The following P4HA2 variants were observed in gnomAD, a reference collection of about 807,000 sequenced individuals.
The protein encoded by P4HA2 is prolyl 4-hydroxylase subunit alpha-2.
Under a neutral mutation model 76.9 loss-of-function variants are expected in P4HA2, and 46 were observed. The ratio of observed to expected loss-of-function variants is 0.60; its 90% CI spans 0.47 to 0.76. The LOEUF (loss-of-function observed/expected upper bound fraction) is 0.76. P4HA2 is among the 30% of genes least tolerant of loss of function. The pLI, the probability that P4HA2 is intolerant of heterozygous loss-of-function variation, is 0.00. For missense variants in P4HA2, 583 were observed against 669.4 expected (o/e 0.87, Z 1.42); for synonymous variants, 243 against 254.0 (o/e 0.96, Z 0.41).
chr5:132,194,333 T>C lies in P4HA2; in HGVS notation c.1531+593A>G, dbSNP rs148141386. On this transcript the variant is annotated intron_variant, in intron 14 of 14. Transcript: ENST00000360568. ...ACCTATCACTATTTATCTTCAAAAC[T>C]CTCCAAGGGGGCTACACACTCATCT... Among the ~76,000 whole-genome samples, 662 of 152,266 alleles carry C rather than the reference T, an allele frequency of 4.3e-3. 7 individuals are homozygous for C. Among genetic ancestry groups the C allele is most frequent in the Non-Finnish European group, 6.5e-3 (444 of 68,026 alleles).
chr5:132,225,365 C>T (rs766797779), intron 1 of P4HA2, among the ~76,000 whole-genome samples: 2 of 152,196 alleles, frequency 1.3e-5, no homozygotes, highest in Non-Finnish European at 2.9e-5. Context: ...TATCAGCCAG[C>T]GTGGCCACAC....
At chr5:132,199,234 A>G (rs1407426468) in intron 10 of P4HA2, among the ~76,000 whole-genome samples, 1 of 152,256 alleles carries the variant, frequency 6.6e-6, no homozygotes, top group East Asian at 1.9e-4. Flanking sequence ...CTCAGACAGC[A>G]GCAAAGGGAA....
chr5:132,203,679 C>A (rs781209393), intron 10 of P4HA2, 69 bp downstream of exon 10: 2 of 959,364 alleles, frequency 2.1e-6, no homozygotes, highest in Non-Finnish European at 3.4e-6. Context: ...CAGTTCTGGA[C>A]ACCCTGTGAG....
Position 132,209,258 on chromosome 5 carries a change from CG to C in P4HA2, c.782del (p.Thr261SerfsTer2). On this transcript the variant is annotated frameshift_variant, in exon 7 of 15. Coordinates refer to ENST00000360568, the MANE Select transcript of P4HA2 (RefSeq NM_001017974.2). LOFTEE classifies it high-confidence loss of function. ...GCTCAGCTTCTGTCTGATTTGTTAACGTTTTTTCTCTCTCTTCCTCCAATAA... is the reference window on the plus strand; with the variant it reads ...GCTCAGCTTCTGTCTGATTTGTTAACTTTTTTCTCTCTCTTCCTCCAATAA... ...EQLLEEEREK[T>X]LTNQTEAELA... The C allele has an allele frequency of 6.2e-7, 1 of 1,614,058 alleles. No homozygotes were observed. The highest frequency in any genetic ancestry group is 1.1e-5 in the South Asian group (1 of 91,078).
intron 1 of P4HA2, 98 bp from the exon 2 acceptor site, chr5:132,218,742 C>A: frequency 7.2e-6 from 5 of 694,976 alleles, no homozygotes; most frequent in Non-Finnish European, 1.3e-5. Context: ...TGCAGATAAT[C>A]AAACATATCA....
chr5:132,218,832 C>T (rs1754269331), intron 1 of P4HA2, among the ~76,000 whole-genome samples, 188 bp from the exon 2 acceptor site: 1 of 152,190 alleles, frequency 6.6e-6, no homozygotes, highest in Non-Finnish European at 1.5e-5. Context: ...GATGTGTGCT[C>T]AATTCTGGTC....
chr5:132,204,025 A>G, intron 9 of P4HA2, 57 bp downstream of exon 9: 2 of 1,422,112 alleles, frequency 1.4e-6, no homozygotes, highest in Non-Finnish European at 2.0e-6. Flanking sequence ...TAGGGTAGGC[A>G]CTGAGAAGTC....
At position 132,217,231 on chromosome 5, in the gene P4HA2, C is replaced by A; in HGVS notation, c.297G>T (p.Ala99=). The change falls in exon 4 of 15, where the codon GCG becomes GCT. Residue 99 remains alanine (A), a synonymous_variant. Coordinates refer to ENST00000360568, the MANE Select transcript of P4HA2 (RefSeq NM_001017974.2). ...LVKRLNTDWP[A]LEDLVLQDSA... ...AGTCCTGCAGGACAAGGTCCTCCAG[C>A]GCAGGCCAGTCTGTGTTTAGCCGCT... 1 of 1,614,196 alleles carries A rather than the reference C, an allele frequency of 6.2e-7. No homozygotes were observed. The highest frequency in any genetic ancestry group is 8.5e-7 in the Non-Finnish European group (1 of 1,180,034).
At chr5:132,225,231 C>G (rs150932425) in intron 1 of P4HA2, among the ~76,000 whole-genome samples, 1 of 152,164 alleles carries the variant, frequency 6.6e-6, no homozygotes, top group Admixed American at 6.5e-5. Flanking sequence ...AACTCTCACT[C>G]CAGCACTCTG....
chr5:132,201,215 C>T (rs898860142), intron 10 of P4HA2: 1 of 152,246 alleles, frequency 6.6e-6, no homozygotes, highest in Non-Finnish European at 1.5e-5. Flanking sequence ...GCTGAGACAT[C>T]ATGCAGCCAA....
intron 1 of P4HA2, among the ~76,000 whole-genome samples, chr5:132,226,462 C>G (rs1755409114): frequency 6.6e-6 from 1 of 152,024 alleles, no homozygotes; most frequent in Non-Finnish European, 1.5e-5. Flanking sequence ...CTCTCCTGCA[C>G]CATCTCTCTT....
intron 1 of P4HA2, among the ~76,000 whole-genome samples, chr5:132,224,492 T>C (rs745374017): frequency 6.6e-6 from 1 of 152,202 alleles, no homozygotes; most frequent in Admixed American, 6.5e-5. Flanking sequence ...AGTCAGCTGA[T>C]TCCTGGGTGA....
rs765186832 is a variant in P4HA2 at position 132,217,251 on chromosome 5, G to C, written c.277C>G (p.Leu93Val). ...PVNAYKLVKRLNTDWPALEDL... is the reference protein window; with the variant it reads ...PVNAYKLVKRVNTDWPALEDL... ...TCCAGCGCAGGCCAGTCTGTGTTTAGCCGCTTCACCAGTTTGTAGGCATTC... is the reference window on the plus strand; with the variant it reads ...TCCAGCGCAGGCCAGTCTGTGTTTACCCGCTTCACCAGTTTGTAGGCATTC... The change falls in exon 4 of 15, where the codon CTA becomes GTA. Residue 93 changes from leucine to valine, a missense_variant. By Grantham distance (32) the Leu-to-Val change is conservative (BLOSUM62 1). Transcript: ENST00000360568. 1.2e-6 allele frequency: 2 copies of C among 1,614,222 alleles called. No individual in the cohort carries two copies. The highest frequency in any genetic ancestry group is 4.5e-5 in the East Asian group (2 of 44,894).
In P4HA2 at chr5:132,210,319, C is replaced by T. The variant is rs771957451; in HGVS notation, c.674G>A (p.Arg225His). 17 of 1,613,982 alleles carry T rather than the reference C, an allele frequency of 1.1e-5. No individual in the cohort carries two copies. The highest frequency in any genetic ancestry group is 1.6e-4 in the Middle Eastern group (1 of 6,084). Residue 225 changes from arginine to histidine, a missense_variant, in exon 6 of 15, where the codon CGT becomes CAT. Transcript: ENST00000360568. ...YAVFQLGDLHRALELTRRLLS... is the reference protein window; with the variant it reads ...YAVFQLGDLHHALELTRRLLS... ...CAGGCGGCGGGTGAGCTCCAGGGCACGGTGCAGATCACCCAACTGGAAGAC... is the reference window on the plus strand; with the variant it reads ...CAGGCGGCGGGTGAGCTCCAGGGCATGGTGCAGATCACCCAACTGGAAGAC...
intron 5 of P4HA2, among the ~76,000 whole-genome samples, chr5:132,212,991 G>C (rs983606395): frequency 1.3e-5 from 2 of 152,158 alleles, no homozygotes; most frequent in Admixed American, 6.5e-5. Flanking sequence ...CTCACACAGT[G>C]AATCGCTGGG....
intron 7 of P4HA2, among the ~76,000 whole-genome samples, chr5:132,208,692 C>A (rs1341137997): frequency 6.6e-6 from 1 of 151,810 alleles, no homozygotes; most frequent in East Asian, 1.9e-4. Flanking sequence ...AGGCTCAGAG[C>A]CTGTCACACC....
At chr5:132,198,115 C>A in intron 12 of P4HA2, 1 of 1,573,272 alleles carries the variant, frequency 6.4e-7, no homozygotes, top group Admixed American at 1.8e-5. Flanking sequence ...TACTTAACAG[C>A]AGATGAGATC....
At chr5:132,197,115 T>C (rs1402827047) in intron 12 of P4HA2, among the ~76,000 whole-genome samples, 2 of 152,266 alleles carry the variant, frequency 1.3e-5, no homozygotes, top group East Asian at 3.9e-4. Flanking sequence ...AGGAAACTGC[T>C]CCTCATGTGA....
chr5:132,197,629 A>AG (rs1291805269), intron 12 of P4HA2, among the ~76,000 whole-genome samples: 4 of 150,464 alleles, frequency 2.7e-5, no homozygotes, highest in South Asian at 4.2e-4. Context: ...AAAAAAAAAA[A>AG]AAGAAGAAGA....
Sources: gnomAD v4.1 joint callset for allele counts (sites outside exome capture counted in the v4.1 genomes callset) on GRCh38, gnomAD v4.1.1 for gene constraint, MANE v1.5 for transcripts, NCBI Gene and HGNC (gene_info 2026-07-23, HGNC 2026-07-21) for gene names.